Variants in TMEM178B observed in about 807,000 individuals in gnomAD.
TMEM178B encodes the protein transmembrane protein 178B.
In TMEM178B, 5 loss-of-function variants were observed where a neutral mutation model predicts 31.0. That is an observed-to-expected ratio of 0.16 (90% CI 0.08 to 0.34). The LOEUF (loss-of-function observed/expected upper bound fraction) is 0.34, where lower values mean the gene tolerates loss of function less well. Ranked by LOEUF, TMEM178B falls within the 10% of genes least tolerant of loss-of-function variation. The probability of loss-of-function intolerance (pLI) is 1.00; values close to 1 mark genes in which losing one functional copy is unlikely to be tolerated. For missense variants in TMEM178B, 275 were observed against 400.3 expected (o/e 0.69, Z 2.67); for synonymous variants, 164 against 164.0 (o/e 1.00, Z 0.00).
intron 2 of TMEM178B, among the ~76,000 whole-genome samples, chr7:141,347,599 A>G (rs891009195): frequency 1.3e-4 from 20 of 152,180 alleles, no homozygotes; most frequent in African/African-American, 4.6e-4. Context: ...TGAGGGAGTC[A>G]TGGTAACTAG....
chr7:141,230,086 A>G (rs1797416854), intron 2 of TMEM178B, among the ~76,000 whole-genome samples: 1 of 152,238 alleles, frequency 6.6e-6, no homozygotes, highest in Non-Finnish European at 1.5e-5. Flanking sequence ...ATGTAAGTAT[A>G]CATAATTTAC....
At chr7:141,131,950 T>G in intron 1 of TMEM178B, among the ~76,000 whole-genome samples, 1 of 152,142 alleles carries the variant, frequency 6.6e-6, no homozygotes. Flanking sequence ...TACCAGCATT[T>G]AGTATTGTTA....
chr7:141,368,114 T>C (rs1800043990), intron 2 of TMEM178B, among the ~76,000 whole-genome samples: 1 of 151,042 alleles, frequency 6.6e-6, no homozygotes, highest in Non-Finnish European at 1.5e-5. Flanking sequence ...AGGTCAGGAG[T>C]TCAAGACCAG....
intron 1 of TMEM178B, among the ~76,000 whole-genome samples, chr7:141,197,451 T>G (rs960049665): frequency 2.0e-5 from 3 of 152,220 alleles, no homozygotes; most frequent in Non-Finnish European, 2.9e-5. Context: ...TTTTTGAATT[T>G]CATTGCAACT....
At chr7:141,090,730 A>G (rs1418716187) in intron 1 of TMEM178B, among the ~76,000 whole-genome samples, 3 of 152,172 alleles carry the variant, frequency 2.0e-5, no homozygotes, top group Non-Finnish European at 4.4e-5. Context: ...TTTGTCCCCC[A>G]TAGGGGGATT....
At chr7:141,211,302 A>C (rs1050007285) in intron 1 of TMEM178B, among the ~76,000 whole-genome samples, 3 of 152,236 alleles carry the variant, frequency 2.0e-5, no homozygotes, top group Non-Finnish European at 4.4e-5. Context: ...CGTCAGTCCC[A>C]TGGGAGGAGC....
chr7:141,213,516 A>G (rs1226691649), intron 2 of TMEM178B, among the ~76,000 whole-genome samples: 1 of 152,186 alleles, frequency 6.6e-6, no homozygotes, highest in African/African-American at 2.4e-5. Flanking sequence ...TTCATAGTCC[A>G]TCTTTTTTCA....
chr7:141,151,160 T>C (rs1337848015), intron 1 of TMEM178B, among the ~76,000 whole-genome samples: 2 of 152,166 alleles, frequency 1.3e-5, no homozygotes, highest in African/African-American at 4.8e-5. Flanking sequence ...TGTCACTGAC[T>C]CTCCCCTTGG....
intron 3 of TMEM178B, among the ~76,000 whole-genome samples, chr7:141,446,357 C>T (rs1490262167): frequency 6.6e-6 from 1 of 152,234 alleles, no homozygotes; most frequent in Non-Finnish European, 1.5e-5. Context: ...CATCACTCGC[C>T]TGCCAAGCCT....
chr7:141,097,033 T>C (rs1012077812), intron 1 of TMEM178B, among the ~76,000 whole-genome samples: 1 of 149,760 alleles, frequency 6.7e-6, no homozygotes, highest in African/African-American at 2.5e-5. Context: ...AAGGCTGCAG[T>C]GAGCTATGAT....
chr7:141,398,289 C>A (rs767951838), intron 2 of TMEM178B, among the ~76,000 whole-genome samples: 4 of 152,194 alleles, frequency 2.6e-5, no homozygotes, highest in African/African-American at 4.8e-5. Context: ...AAAGGAGAAG[C>A]CTTTTTCATG....
At chr7:141,494,886 G>A in the TMEM178B span, among the ~76,000 whole-genome samples, 1 of 152,154 alleles carries the variant, frequency 6.6e-6, no homozygotes, top group Non-Finnish European at 1.5e-5. Context: ...TTTGCTTCAC[G>A]ATAATATAGG....
At chr7:141,368,582 A>G (rs966575638) in intron 2 of TMEM178B, among the ~76,000 whole-genome samples, 21 of 152,222 alleles carry the variant, frequency 1.4e-4, no homozygotes, top group Non-Finnish European at 7.3e-5. Flanking sequence ...ACTGAATACA[A>G]TTCTACTACA....
intron 1 of TMEM178B, among the ~76,000 whole-genome samples, chr7:141,190,108 C>T (rs185616505): frequency 2.0e-5 from 3 of 152,304 alleles, no homozygotes; most frequent in African/African-American, 7.2e-5. Context: ...CCTTGGCTTA[C>T]GACAAGGTTT....
chr7:141,195,171 T>G (rs1037306185), intron 1 of TMEM178B, among the ~76,000 whole-genome samples: 1 of 152,256 alleles, frequency 6.6e-6, no homozygotes, highest in South Asian at 2.1e-4. Context: ...CTTTGCTGTT[T>G]ATGCACATTT....
chr7:141,252,287 C>T (rs1369642230), intron 2 of TMEM178B, among the ~76,000 whole-genome samples: 1 of 152,196 alleles, frequency 6.6e-6, no homozygotes, highest in East Asian at 1.9e-4. Flanking sequence ...ATGGTGAGGA[C>T]TGGACAGGGG....
intron 2 of TMEM178B, among the ~76,000 whole-genome samples, chr7:141,348,734 G>A (rs1220729418): frequency 2.0e-5 from 3 of 152,184 alleles, no homozygotes; most frequent in Admixed American, 6.5e-5. Flanking sequence ...GGAGGCAATT[G>A]TAATTAATGT....
chr7:141,079,353 T>TATG (rs1269713859), intron 1 of TMEM178B, among the ~76,000 whole-genome samples: 5 of 152,212 alleles, frequency 3.3e-5, no homozygotes, highest in African/African-American at 1.2e-4. Flanking sequence ...TCAGTAGCCG[T>TATG]ATGTGCCTAC....
intron 1 of TMEM178B, among the ~76,000 whole-genome samples, chr7:141,101,702 C>T (rs1488119249): frequency 6.6e-6 from 1 of 152,168 alleles, no homozygotes. Flanking sequence ...CAGTCAACTC[C>T]ATTAGGTATC....
Sources: gnomAD v4.1 joint callset for allele counts (sites outside exome capture counted in the v4.1 genomes callset) on GRCh38, gnomAD v4.1.1 for gene constraint, MANE v1.5 for transcripts, NCBI Gene and HGNC (gene_info 2026-07-23, HGNC 2026-07-21) for gene names.